The following CCSER2 variants were observed in gnomAD, a reference collection of about 807,000 sequenced individuals.
CCSER2 encodes the protein serine-rich coiled-coil domain-containing protein 2.
In CCSER2, 46 loss-of-function variants were observed where a neutral mutation model predicts 92.3. The ratio of observed to expected loss-of-function variants is 0.50; its 90% CI spans 0.39 to 0.64. The LOEUF (loss-of-function observed/expected upper bound fraction) is 0.64, where lower values mean the gene tolerates loss of function less well. Among genes scored for constraint, CCSER2 ranks in the 30% least tolerant of loss-of-function variants. The pLI is 0.00. For synonymous variants in CCSER2, 433 were observed against 431.4 expected (o/e 1.00, Z -0.04); for missense variants, 1,244 against 1,238.9 (o/e 1.00, Z -0.06).
At chr10:84,409,478 T>G (rs1842539061) in intron 3 of CCSER2, among the ~76,000 whole-genome samples, 1 of 152,152 alleles carries the variant, frequency 6.6e-6, no homozygotes, top group Non-Finnish European at 1.5e-5. Flanking sequence ...TGTATTTTGG[T>G]TTCTTTCCAA....
At chr10:84,445,442 C>G (rs570499817) in intron 6 of CCSER2, among the ~76,000 whole-genome samples, 2 of 152,188 alleles carry the variant, frequency 1.3e-5, no homozygotes, top group Non-Finnish European at 2.9e-5. Context: ...CGTGAGCCAC[C>G]GCACCTGGCC....
intron 3 of CCSER2, chr10:84,391,823 T>C (rs1346629203): frequency 1.9e-6 from 3 of 1,562,142 alleles, no homozygotes; most frequent in Non-Finnish European, 2.6e-6. Context: ...TTCCGTGGAA[T>C]TTGTACCATG....
At chr10:84,452,039 G>GA (rs778964781) in intron 6 of CCSER2, among the ~76,000 whole-genome samples, 74 of 151,994 alleles carry the variant, frequency 4.9e-4, no homozygotes, top group Non-Finnish European at 8.7e-4. Flanking sequence ...ATTTAAAAAA[G>GA]AAAAAAAACT....
rs1849581221 is a variant in CCSER2, at chr10:84,515,825, A to T, written c.*1558A>T. 6.6e-6 allele frequency: 1 copy of T among 152,216 alleles called. No individual in the cohort carries two copies. Among genetic ancestry groups the T allele is most frequent in the African/African-American group, 2.4e-5 (1 of 41,448 alleles). 9.4% of individuals were successfully genotyped at this position (152,216 alleles called of 1,614,324 possible). ...TTTCAAAGACAATATTCTTATTTTAATACGCTGTAGAAGGTAGGTGTGGAA... is the reference window on the plus strand; with the variant it reads ...TTTCAAAGACAATATTCTTATTTTATTACGCTGTAGAAGGTAGGTGTGGAA... On this transcript the variant is annotated 3_prime_UTR_variant, in exon 10 of 10. Coordinates refer to ENST00000372088, the MANE Select transcript of CCSER2 (RefSeq NM_001284240.2).
At chr10:84,455,429 C>T (rs1017089466) in intron 6 of CCSER2, among the ~76,000 whole-genome samples, 1 of 152,022 alleles carries the variant, frequency 6.6e-6, no homozygotes, top group Non-Finnish European at 1.5e-5. Context: ...GTGCCTGCCA[C>T]CATATGTGGC....
chr10:84,404,412 T>C (rs910091306), intron 3 of CCSER2, among the ~76,000 whole-genome samples: 7 of 152,206 alleles, frequency 4.6e-5, no homozygotes, highest in Non-Finnish European at 2.9e-5. Context: ...TGTTTAATAT[T>C]GGACAGGATT....
At chr10:84,451,782 G>T (rs1845308226) in intron 6 of CCSER2, among the ~76,000 whole-genome samples, 1 of 152,188 alleles carries the variant, frequency 6.6e-6, no homozygotes, top group South Asian at 2.1e-4. Flanking sequence ...TAACTTGGAT[G>T]CCAGATAGAT....
intron 3 of CCSER2, among the ~76,000 whole-genome samples, chr10:84,409,374 AAGCGATCCTCCTGCCTC>A (rs1446098614): frequency 6.6e-6 from 1 of 152,074 alleles, no homozygotes; most frequent in Non-Finnish European, 1.5e-5. Flanking sequence ...TCCTTGGCTC[AAGCGATCCTCCTGCCTC>A]AGCCTCCCAA....
At chr10:84,337,765 A>C (rs1843921201) in intron 1 of CCSER2, among the ~76,000 whole-genome samples, 1 of 152,216 alleles carries the variant, frequency 6.6e-6, no homozygotes, top group African/African-American at 2.4e-5. Context: ...CAGGGAGACA[A>C]GTCTGTCTTT....
intron 9 of CCSER2, among the ~76,000 whole-genome samples, chr10:84,483,454 C>G (rs1847575634): frequency 6.6e-6 from 1 of 150,960 alleles, no homozygotes; most frequent in African/African-American, 2.4e-5. Context: ...AAGTATTTTC[C>G]CATCATAAAT....
chr10:84,342,041 T>A (rs1384585317), intron 1 of CCSER2, among the ~76,000 whole-genome samples: 4 of 152,190 alleles, frequency 2.6e-5, no homozygotes, highest in African/African-American at 9.7e-5. Context: ...CCATTGGTGA[T>A]CAACTCAGCC....
intron 6 of CCSER2, among the ~76,000 whole-genome samples, chr10:84,444,294 AT>A (rs1158640939): frequency 1.3e-5 from 2 of 152,242 alleles, no homozygotes; most frequent in Middle Eastern, 3.4e-3. Context: ...CCAAATTGTT[AT>A]TTTTTTAAAA....
chr10:84,512,058 A>G (rs1443791508), intron 9 of CCSER2, among the ~76,000 whole-genome samples: 5 of 152,066 alleles, frequency 3.3e-5, no homozygotes. Context: ...ATCATAGCCA[A>G]CCATCCTCCA....
At chr10:84,441,738 T>A (rs1161913995) in intron 6 of CCSER2, among the ~76,000 whole-genome samples, 15 of 7,474 alleles carry the variant, frequency 2.0e-3, no homozygotes, top group Admixed American at 4.7e-3. Flanking sequence ...GGGAAAATGT[T>A]TTTTTTTTTT....
intron 3 of CCSER2, chr10:84,391,449 G>T: frequency 1.3e-6 from 2 of 1,562,966 alleles, no homozygotes; most frequent in Non-Finnish European, 1.8e-6. Context: ...GCCCTGTTAG[G>T]TGACCTCACA....
At chr10:84,450,124 C>T (rs565382804) in intron 6 of CCSER2, among the ~76,000 whole-genome samples, 44 of 152,242 alleles carry the variant, frequency 2.9e-4, no homozygotes, top group African/African-American at 1.0e-3. Context: ...TACTTCAATA[C>T]CTGTGTTTGT....
chr10:84,350,116 G>A (rs1405578995), intron 1 of CCSER2, among the ~76,000 whole-genome samples: 2 of 152,164 alleles, frequency 1.3e-5, no homozygotes, highest in African/African-American at 2.4e-5. Flanking sequence ...TCATGCCACT[G>A]CACTCCAGCC....
intron 5 of CCSER2, among the ~76,000 whole-genome samples, chr10:84,432,488 G>A (rs1843835664): frequency 6.6e-6 from 1 of 152,158 alleles, no homozygotes; most frequent in Non-Finnish European, 1.5e-5. Context: ...CCACTTATAA[G>A]TGAGAACATG....
chr10:84,466,671 A>ATT (rs766106050), intron 7 of CCSER2, among the ~76,000 whole-genome samples: 6 of 139,862 alleles, frequency 4.3e-5, no homozygotes, highest in African/African-American at 7.8e-5. Context: ...CGCCTGGCTA[A>ATT]TTTTTTTTTT....
Sources: gnomAD v4.1 joint callset for allele counts (sites outside exome capture counted in the v4.1 genomes callset) on GRCh38, gnomAD v4.1.1 for gene constraint, MANE v1.5 for transcripts, NCBI Gene and HGNC (gene_info 2026-07-23, HGNC 2026-07-21) for gene names.